GPC5: variants seen among roughly 807,000 people sequenced by gnomAD.
The protein encoded by GPC5 is glypican-5.
In GPC5, 47 loss-of-function variants were observed where a neutral mutation model predicts 53.9. The observed-to-expected ratio is 0.87, with a 90% confidence interval of 0.69 to 1.11. The LOEUF (loss-of-function observed/expected upper bound fraction) is 1.11, where lower values mean the gene tolerates loss of function less well. GPC5 is among the 50% of genes most tolerant of loss of function. The probability of loss-of-function intolerance (pLI) is 0.00; values close to 1 mark genes in which losing one functional copy is unlikely to be tolerated. For missense variants in GPC5, 748 were observed against 713.1 expected (o/e 1.05, Z -0.56); for synonymous variants, 286 against 263.3 (o/e 1.09, Z -0.84).
chr13:92,383,469 A>C (rs2043767055), intron 7 of GPC5, among the ~76,000 whole-genome samples: 3 of 152,222 alleles, frequency 2.0e-5, no homozygotes, highest in African/African-American at 7.2e-5. Context: ...ATATTATTTA[A>C]TTTTGCATAC....
intron 5 of GPC5, among the ~76,000 whole-genome samples, chr13:91,882,022 G>A (rs2039269326): frequency 6.6e-6 from 1 of 152,074 alleles, no homozygotes. Context: ...GATGGTTTGC[G>A]TCTTCTTCTG....
intron 1 of GPC5, among the ~76,000 whole-genome samples, chr13:91,439,097 C>A (rs552656359): frequency 6.6e-6 from 1 of 152,206 alleles, no homozygotes; most frequent in Non-Finnish European, 1.5e-5. Flanking sequence ...AGAGCCTTCC[C>A]AGGCTCTTTT....
At chr13:91,957,854 A>T (rs188778307) in intron 6 of GPC5, among the ~76,000 whole-genome samples, 34 of 152,194 alleles carry the variant, frequency 2.2e-4, no homozygotes, top group East Asian at 1.5e-3. Flanking sequence ...ATGAAAATTT[A>T]AACCCCCGGT....
chr13:91,548,056 C>G (rs1208115812), intron 2 of GPC5, among the ~76,000 whole-genome samples: 9 of 152,104 alleles, frequency 5.9e-5, no homozygotes, highest in Admixed American at 5.9e-4. Context: ...AGATCAGGAG[C>G]AAAGCAATTA....
intron 7 of GPC5, among the ~76,000 whole-genome samples, chr13:92,408,069 C>T (rs1393584014): frequency 6.6e-6 from 1 of 152,200 alleles, no homozygotes; most frequent in African/African-American, 2.4e-5. Context: ...AGGAGGTAAG[C>T]AGCCAGCCAG....
intron 2 of GPC5, among the ~76,000 whole-genome samples, chr13:91,518,896 A>G (rs1885653471): frequency 1.3e-5 from 2 of 152,148 alleles, no homozygotes; most frequent in African/African-American, 4.8e-5. Context: ...AGGCTAAACA[A>G]TGAGCAAATT....
intron 7 of GPC5, among the ~76,000 whole-genome samples, chr13:92,280,449 T>A (rs952201687): frequency 2.0e-5 from 3 of 152,216 alleles, no homozygotes; most frequent in African/African-American, 7.2e-5. Context: ...AGTTATGTTG[T>A]CAATATCGGA....
At chr13:91,920,906 ATCTC>A (rs760550410) in intron 6 of GPC5, among the ~76,000 whole-genome samples, 767 of 63,126 alleles carry the variant, frequency 0.012, 35 homozygotes, top group African/African-American at 0.04. Flanking sequence ...CTTTTTTTAA[ATCTC>A]TCTCTCTCTC....
intron 7 of GPC5, among the ~76,000 whole-genome samples, chr13:92,854,442 T>C (rs894405097): frequency 6.6e-6 from 1 of 151,090 alleles, no homozygotes; most frequent in African/African-American, 2.4e-5. Flanking sequence ...ATAAGAAACA[T>C]TCCTTTAAGA....
At chr13:91,724,528 C>T (rs1303952763) in intron 3 of GPC5, among the ~76,000 whole-genome samples, 1 of 151,390 alleles carries the variant, frequency 6.6e-6, no homozygotes, top group Non-Finnish European at 1.5e-5. Flanking sequence ...TATTAATAAA[C>T]ATTAAGGAAG....
chr13:92,323,765 G>A (rs920412441), intron 7 of GPC5, among the ~76,000 whole-genome samples: 5 of 151,686 alleles, frequency 3.3e-5, no homozygotes, highest in East Asian at 1.9e-4. Flanking sequence ...TGAGTCATTT[G>A]TTTTAATATT....
At chr13:91,932,862 C>T (rs1285476327) in intron 6 of GPC5, among the ~76,000 whole-genome samples, 24 of 151,838 alleles carry the variant, frequency 1.6e-4, no homozygotes, top group Admixed American at 1.6e-3. Context: ...AAGTATATTC[C>T]AACGACACCA....
chr13:92,115,804 AC>A (rs1014226301), intron 6 of GPC5, among the ~76,000 whole-genome samples: 2 of 151,678 alleles, frequency 1.3e-5, no homozygotes, highest in African/African-American at 4.8e-5. Context: ...ATTGTGGTGC[AC>A]CCCCCACCCC....
intron 7 of GPC5, among the ~76,000 whole-genome samples, chr13:92,310,010 G>C (rs2043135497): frequency 6.6e-6 from 1 of 151,984 alleles, no homozygotes; most frequent in South Asian, 2.1e-4. Context: ...TTATTTGCCT[G>C]TCTGAATCTG....
At chr13:92,253,172 T>A (rs193011885) in intron 7 of GPC5, among the ~76,000 whole-genome samples, 2 of 152,148 alleles carry the variant, frequency 1.3e-5, no homozygotes, top group African/African-American at 4.8e-5. Context: ...ATAGGAAAAA[T>A]CAGGTACAAT....
intron 6 of GPC5, among the ~76,000 whole-genome samples, chr13:91,958,582 C>T (rs1393558897): frequency 6.6e-6 from 1 of 152,026 alleles, no homozygotes; most frequent in Non-Finnish European, 1.5e-5. Flanking sequence ...TCATTCTTCT[C>T]ATTGGCACAT....
intron 7 of GPC5, among the ~76,000 whole-genome samples, chr13:92,379,152 A>G (rs928635486): frequency 3.3e-5 from 5 of 152,204 alleles, no homozygotes; most frequent in Non-Finnish European, 5.9e-5. Context: ...TTATTTCTGC[A>G]GGCAATATTT....
At chr13:92,134,665 G>A (rs1420037640) in intron 6 of GPC5, among the ~76,000 whole-genome samples, 2 of 152,032 alleles carry the variant, frequency 1.3e-5, no homozygotes, top group Non-Finnish European at 2.9e-5. Flanking sequence ...TTGTACCTGG[G>A]TCAGTTACAA....
chr13:91,541,806 A>G (rs2029948481), intron 2 of GPC5, among the ~76,000 whole-genome samples: 1 of 149,706 alleles, frequency 6.7e-6, no homozygotes, highest in Non-Finnish European at 1.5e-5. Flanking sequence ...TAATACACTG[A>G]GAACTTCCAT....
Sources: allele counts gnomAD v4.1 joint callset (sites outside exome capture counted in the v4.1 genomes callset), GRCh38; gene constraint gnomAD v4.1.1; transcripts MANE v1.5; gene names NCBI Gene and HGNC (gene_info 2026-07-23, HGNC 2026-07-21).